COMMD4: variants seen among roughly 807,000 people sequenced by gnomAD.
The protein encoded by COMMD4 is COMM domain-containing protein 4.
COMMD4 carries 18 observed loss-of-function variants against 27.5 expected under a neutral mutation model. The ratio of observed to expected loss-of-function variants is 0.65; its 90% CI spans 0.45 to 0.97. The LOEUF (loss-of-function observed/expected upper bound fraction) is 0.97. Ranked by LOEUF, COMMD4 falls within the 50% of genes least tolerant of loss-of-function variation. The pLI is 0.00. For missense variants in COMMD4, 243 were observed against 250.0 expected, an observed-to-expected ratio of 0.97 and a Z score of 0.19; for synonymous variants, 108 against 108.4, an observed-to-expected ratio of 1.00 and a Z score of 0.02.
At position 75,340,064 on chromosome 15, in the gene COMMD4, T is replaced by C; in HGVS notation, c.*59T>C. On this transcript the variant is annotated 3_prime_UTR_variant, in exon 8 of 8. Transcript: ENST00000267935. ...CCTGCCCGTATGGAGTCACGCCCTC[T>C]GAACTGCTCTTCGGGAGGCAGCCCT... 6.3e-7 allele frequency: 1 copy of C among 1,591,866 alleles called. No individual in the cohort carries two copies. Among genetic ancestry groups the C allele is most frequent in the Non-Finnish European group, 8.6e-7 (1 of 1,166,146 alleles).
At chr15:75,338,735 C>T in intron 4 of COMMD4, 50 bp downstream of exon 4, 1 of 1,588,316 alleles carries the variant, frequency 6.3e-7, no homozygotes, top group Non-Finnish European at 8.6e-7. Flanking sequence ...GGGAACTTGG[C>T]CTGGTGCCTG....
rs182080358 is a variant in COMMD4, at chr15:75,336,066, C to G, written c.-24C>G. The G allele has an allele frequency of 6.5e-7, 1 of 1,549,678 alleles. No homozygotes were observed. The highest frequency in any genetic ancestry group is 1.2e-5 in the South Asian group (1 of 83,976). On this transcript the variant is annotated 5_prime_UTR_variant, in exon 1 of 8. Coordinates refer to ENST00000267935, the MANE Select transcript of COMMD4 (RefSeq NM_017828.5). ...CCCTGCGGGACCGGAAAAAGAAATTCCCGGGCCCTGGCTTCTTGGCGCGAT... is the reference window on the plus strand; with the variant it reads ...CCCTGCGGGACCGGAAAAAGAAATTGCCGGGCCCTGGCTTCTTGGCGCGAT...
intron 6 of COMMD4, 35 bp downstream of exon 6, chr15:75,339,379 C>G (rs2071362287): frequency 6.2e-7 from 1 of 1,602,904 alleles, no homozygotes; most frequent in South Asian, 1.1e-5. Flanking sequence ...CGGGCTCATT[C>G]TAGAAGGTGC....
In COMMD4 at chr15:75,339,972, G is replaced by A; in HGVS notation, c.567G>A (p.Lys189=). 6.2e-7 allele frequency: 1 copy of A among 1,614,160 alleles called. No individual in the cohort carries two copies. The highest frequency in any genetic ancestry group is 1.1e-5 in the South Asian group (1 of 91,080). ...DKFQVLLAEL[K]QAQTLMSSLG Reference sequence around the variant, plus strand: ...CACCTCTTCCCTCTGCAGAACTGAAGCAGGCCCAGACCCTGATGAGCTCCC... The same window carrying A: ...CACCTCTTCCCTCTGCAGAACTGAAACAGGCCCAGACCCTGATGAGCTCCC... The change falls in exon 8 of 8, where the codon AAG becomes AAA. Residue 189 remains lysine (K), a synonymous_variant. Transcript: ENST00000267935.
At chr15:75,337,946 A>G (rs1471982641) in intron 1 of COMMD4, 116 bp from the exon 2 acceptor site, 22 of 999,706 alleles carry the variant, frequency 2.2e-5, no homozygotes, top group Middle Eastern at 2.1e-4. Flanking sequence ...GCCAGAGGGT[A>G]TCCATCTATG....
rs767510565 is a variant in COMMD4, at chr15:75,336,255, C to T, written c.3+163C>T. On this transcript the variant is annotated intron_variant, in intron 1 of 7. Coordinates refer to ENST00000267935, the MANE Select transcript of COMMD4 (RefSeq NM_017828.5). ...GGTAGGGAAAAGTCCACCACTCTCC[C>T]GCTCCCGAGACGGGGGCGGGGGTAC... The T allele has an allele frequency of 2.6e-5, 40 of 1,514,120 alleles. 1 individual carries two copies. In the South Asian group the frequency reaches 4.8e-4, roughly 18 times the overall value. The allele number at this position is 1,514,120 out of a possible 1,614,324, so 93.8% of individuals were successfully genotyped here.
chr15:75,339,108 C>T lies in COMMD4; in HGVS notation c.301+4C>T, dbSNP rs758973188. On this transcript the variant is annotated splice_donor_region_variant and intron_variant, in intron 5 of 7. Coordinates refer to ENST00000267935, the MANE Select transcript of COMMD4 (RefSeq NM_017828.5). The stretch of plus-strand genomic sequence containing the variant: ...CAGCAGCTGGGGCTGCCCAAAGGTA[C>T]GGGTTGTGGGTGGGCAGCTGGGCAG... 8.7e-6 allele frequency: 14 copies of T among 1,613,088 alleles called. No individual in the cohort carries two copies. Among genetic ancestry groups the T allele is most frequent in the East Asian group, 2.2e-5 (1 of 44,894 alleles).
intron 4 of COMMD4, 149 bp downstream of exon 4, chr15:75,338,834 C>T: frequency 1.4e-6 from 2 of 1,426,124 alleles, no homozygotes; most frequent in Non-Finnish European, 2.0e-6. Flanking sequence ...ACCGACAGTC[C>T]CACCTTCCTG....
At chr15:75,337,929 A>G in intron 1 of COMMD4, 133 bp from the exon 2 acceptor site, 2 of 876,062 alleles carry the variant, frequency 2.3e-6, no homozygotes, top group South Asian at 3.5e-5. Flanking sequence ...ATAGGGGAGA[A>G]CAAGAGGCCA....
intron 6 of COMMD4, 41 bp downstream of exon 6, chr15:75,339,385 G>A (rs768553389): frequency 1.9e-5 from 30 of 1,598,432 alleles, no homozygotes; most frequent in Middle Eastern, 4.5e-4. Context: ...CATTCTAGAA[G>A]GTGCACGCAG....
intron 1 of COMMD4, 152 bp from the exon 2 acceptor site, chr15:75,337,910 A>G: frequency 1.3e-6 from 1 of 742,948 alleles, no homozygotes; most frequent in Non-Finnish European, 2.2e-6. Flanking sequence ...TTTACTCAAC[A>G]GCCTGGTGAT....
At chr15:75,339,562 G>A in intron 6 of COMMD4, 140 bp from the exon 7 acceptor site, 2 of 1,164,280 alleles carry the variant, frequency 1.7e-6, no homozygotes, top group South Asian at 3.1e-5. Context: ...CACCTGCCCT[G>A]TTCTGAGCCT....
chr15:75,338,759 C>T (rs192449756), intron 4 of COMMD4, 74 bp downstream of exon 4: 6 of 1,510,674 alleles, frequency 4.0e-6, no homozygotes, highest in Non-Finnish European at 5.5e-6. Context: ...CAGAGGGGCC[C>T]CCCACCCCTC....
At chr15:75,342,803 T>C (rs1200783626), downstream of COMMD4, 2 of 152,208 alleles carry the variant, frequency 1.3e-5, no homozygotes, top group Non-Finnish European at 2.9e-5. Context: ...CTAATTAGCC[T>C]GATTTGATCT....
rs1343533417 is a variant in COMMD4 at position 75,340,087 on chromosome 15, C to T, written c.*82C>T. On this transcript the variant is annotated 3_prime_UTR_variant, in exon 8 of 8. Transcript: ENST00000267935. ...TCTGAACTGCTCTTCGGGAGGCAGC[C>T]CTGGTTCTAGGATGCTGAGGCCCTG... 40 of 1,521,182 alleles carry T rather than the reference C, an allele frequency of 2.6e-5. No homozygotes were observed. The Admixed American group carries it at 6.3e-4, about 24-fold the overall frequency. 94.2% of individuals were successfully genotyped at this position (1,521,182 alleles called of 1,614,324 possible).
In COMMD4 at chr15:75,340,126, C is replaced by T. The variant is rs2071407457; in HGVS notation, c.*121C>T. On this transcript the variant is annotated 3_prime_UTR_variant, in exon 8 of 8. Coordinates refer to ENST00000267935, the MANE Select transcript of COMMD4 (RefSeq NM_017828.5). ...GCTGAGGCCCTGGCCCGGACTCTGG[C>T]CTCCCAGATCCCCAGCTGCCTCACT... 1 of 1,132,840 alleles carries T rather than the reference C, an allele frequency of 8.8e-7. No individual in the cohort carries two copies. The highest frequency in any genetic ancestry group is 1.2e-6 in the Non-Finnish European group (1 of 801,950). 70.2% of individuals were successfully genotyped at this position (1,132,840 alleles called of 1,614,324 possible).
At chr15:75,337,417 A>G (rs2071242888) in intron 1 of COMMD4, 1 of 153,146 alleles carries the variant, frequency 6.5e-6, no homozygotes, top group Non-Finnish European at 1.5e-5. Context: ...ACATAGTGAA[A>G]CTCTGTCTCT....
intron 1 of COMMD4, chr15:75,336,483 G>C: frequency 2.0e-6 from 1 of 503,822 alleles, no homozygotes; most frequent in South Asian, 3.1e-5. Context: ...AAGGTGCTTA[G>C]AATCAGGCTC....
At position 75,338,676 on chromosome 15, in the gene COMMD4, G is replaced by C. The variant is rs771105816; in HGVS notation, c.172G>C (p.Ala58Pro). The C allele has an allele frequency of 3.7e-6, 6 of 1,613,722 alleles. No homozygotes were observed. The highest frequency in any genetic ancestry group is 5.1e-6 in the Non-Finnish European group (6 of 1,179,838). Residue 58 changes from alanine to proline, a missense_variant, in exon 4 of 8, where the codon GCC (alanine) becomes CCC (proline). Physicochemically the swap from Ala to Pro is conservative, Grantham distance 27 (BLOSUM62 -1). Coordinates refer to ENST00000267935, the MANE Select transcript of COMMD4 (RefSeq NM_017828.5). ...YEKILKLTADAKFESGDVKAT... is the reference protein window; with the variant it reads ...YEKILKLTADPKFESGDVKAT... ...GAAGATCCTGAAGCTCACGGCTGAC[G>C]CCAAGTTTGGTGAGTATCCCGCTGA...
Sources: gnomAD v4.1 joint callset for allele counts on GRCh38, gnomAD v4.1.1 for gene constraint, MANE v1.5 for transcripts, NCBI Gene and HGNC (gene_info 2026-07-23, HGNC 2026-07-21) for gene names.